BDP1: variants seen among roughly 807,000 people sequenced by gnomAD.
BDP1 encodes BDP1 general transcription factor IIIB subunit, also known as transcription factor TFIIIB component B'' homolog.
Under a neutral mutation model 266.6 loss-of-function variants are expected in BDP1, and 169 were observed. That is an observed-to-expected ratio of 0.63 (90% CI 0.56 to 0.72). BDP1 has a LOEUF of 0.72. BDP1 is among the 30% of genes least tolerant of loss of function. The probability of loss-of-function intolerance (pLI) is 0.00; values close to 1 mark genes in which losing one functional copy is unlikely to be tolerated. For missense variants in BDP1, 3,015 were observed against 3,053.8 expected, an observed-to-expected ratio of 0.99 and a Z score of 0.30; for synonymous variants, 1,090 against 1,022.4, an observed-to-expected ratio of 1.07 and a Z score of -1.26.
In BDP1 at chr5:71,486,553, A is replaced by C. The variant is rs779103105; in HGVS notation, c.1139A>C (p.Lys380Thr). 1.3e-6 allele frequency: 2 copies of C among 1,544,308 alleles called. No individual in the cohort carries two copies. The highest frequency in any genetic ancestry group is 1.7e-6 in the Non-Finnish European group (2 of 1,158,630). ...CAGAAAGTTCTTGCTGAAGAAGAGA[A>C]AAGAAAACAAAAATCTGTTAAAAAT... ...LLQKVLAEEE[K>T]RKQKSVKNHS... Residue 380 changes from lysine to threonine, a missense_variant, in exon 9 of 39, where the codon AAA (lysine) becomes ACA (threonine). Transcript: ENST00000358731.
At chr5:71,556,831 A>G (rs1046618759) in intron 35 of BDP1, 55 bp from the exon 36 acceptor site, 5 of 810,880 alleles carry the variant, frequency 6.2e-6, no homozygotes, top group Non-Finnish European at 9.4e-6. Context: ...AATAAAATTA[A>G]TTTCAGTTTT....
chr5:71,495,525 TAGA>T, intron 12 of BDP1, 117 bp downstream of exon 12: 1 of 568,758 alleles, frequency 1.8e-6, no homozygotes, highest in Non-Finnish European at 2.9e-6. Flanking sequence ...TTATTAATAG[TAGA>T]GGGAATCATT....
intron 9 of BDP1, among the ~76,000 whole-genome samples, chr5:71,487,457 A>T (rs1763333507): frequency 6.6e-6 from 1 of 152,116 alleles, no homozygotes; most frequent in Non-Finnish European, 1.5e-5. Context: ...GTTAGCCAGG[A>T]TGGTCTTGAT....
chr5:71,512,630 TAAATC>T (rs762593037), intron 18 of BDP1, among the ~76,000 whole-genome samples: 20 of 152,196 alleles, frequency 1.3e-4, no homozygotes, highest in Admixed American at 7.9e-4. Context: ...GTAACAGTCT[TAAATC>T]AATACAGGTT....
chr5:71,477,605 A>G (rs1007067894), intron 7 of BDP1, among the ~76,000 whole-genome samples: 2 of 151,226 alleles, frequency 1.3e-5, no homozygotes, highest in African/African-American at 4.9e-5. Context: ...CAGCTGACCC[A>G]TGTTCAGACA....
At position 71,499,653 on chromosome 5, in the gene BDP1, C is replaced by T. The variant is rs150500828; in HGVS notation, c.1957-1909C>T. ...AAAAAATTAAAAAAAAACCCTTTTC[C>T]TCTGAAACTATTAATTTACATTTTT... On this transcript the variant is annotated intron_variant, in intron 13 of 38. Transcript: ENST00000358731. 6.0e-3 allele frequency among the ~76,000 whole-genome samples: 917 copies of T among 152,174 alleles called. 6 individuals carry two copies. Among genetic ancestry groups the T allele is most frequent in the African/African-American group, 0.02 (821 of 41,544 alleles).
chr5:71,514,005 C>A (rs1765089082), intron 19 of BDP1, among the ~76,000 whole-genome samples: 1 of 151,770 alleles, frequency 6.6e-6, no homozygotes, highest in Non-Finnish European at 1.5e-5. Flanking sequence ...TTACGCTGAG[C>A]CGTGGCGCCC....
At chr5:71,491,196 T>G in intron 11 of BDP1, 65 bp downstream of exon 11, 1 of 1,461,314 alleles carries the variant, frequency 6.8e-7, no homozygotes, top group Non-Finnish European at 9.5e-7. Flanking sequence ...AGTGTTGAAG[T>G]CTCCATCTGT....
Position 71,512,393 on chromosome 5 carries a change from A to C in BDP1, c.4212A>C (p.Pro1404=). 1.3e-6 allele frequency: 2 copies of C among 1,578,362 alleles called. No homozygotes were observed. Among genetic ancestry groups the C allele is most frequent in the Non-Finnish European group, 1.7e-6 (2 of 1,170,034 alleles). ...DKTEVQGIQS[P]DVPEQFSDIN... The stretch of plus-strand genomic sequence containing the variant: ...CAGAAGTCCAGGGGATTCAATCTCC[A>C]GATGTTCCAGAGCAGTTTTCAGATA... Residue 1404 remains proline, a synonymous_variant, in exon 18 of 39, where the codon CCA becomes CCC. Coordinates refer to ENST00000358731, the MANE Select transcript of BDP1 (RefSeq NM_018429.3).
intron 7 of BDP1, among the ~76,000 whole-genome samples, chr5:71,478,595 C>T (rs1390486188): frequency 3.3e-5 from 5 of 151,566 alleles, no homozygotes; most frequent in South Asian, 2.1e-4. Flanking sequence ...GATGAAAAGT[C>T]GACAGTAATC....
Position 71,552,420 on chromosome 5 carries a change from C to T in BDP1, c.6996-696C>T, listed in dbSNP as rs796167008. ...GGCTCCTCACATCCCAGACGATGGG[C>T]GGCCAGGCAGAGGCTGCAATCTCGG... is the stretch of plus-strand genomic sequence containing the variant. On this transcript the variant is annotated intron_variant, in intron 34 of 38. Transcript: ENST00000358731. Among the ~76,000 whole-genome samples, 598 of 149,600 alleles carry T rather than the reference C, an allele frequency of 4.0e-3. 1 individual carries two copies. The highest frequency in any genetic ancestry group is 9.8e-3 in the African/African-American group (396 of 40,490).
intron 25 of BDP1, among the ~76,000 whole-genome samples, chr5:71,531,052 C>T (rs533336550): frequency 6.6e-6 from 1 of 151,988 alleles, no homozygotes; most frequent in South Asian, 2.1e-4. Flanking sequence ...GCAGCTTGGG[C>T]GATAGAGTGA....
At position 71,510,579 on chromosome 5, in the gene BDP1, G is replaced by T. The variant is rs896236342; in HGVS notation, c.3487G>T (p.Val1163Phe). 6.2e-7 allele frequency: 1 copy of T among 1,614,170 alleles called. No homozygotes were observed. Among genetic ancestry groups the T allele is most frequent in the South Asian group, 1.1e-5 (1 of 91,064 alleles). The change falls in exon 17 of 39, where the codon GTC becomes TTC. Residue 1163 changes from valine (V) to phenylalanine (F), a missense_variant. By Grantham distance (50) the Val-to-Phe change is conservative. Transcript: ENST00000358731. ...ISPEENGPEE[V>F]KPVDEMETDL... ...CCCAGAGGAAAATGGCCCAGAGGAGGTCAAGCCTGTAGATGAAATGGAGAC... is the reference window on the plus strand; with the variant it reads ...CCCAGAGGAAAATGGCCCAGAGGAGTTCAAGCCTGTAGATGAAATGGAGAC...
Position 71,545,133 on chromosome 5 carries a change from G to T in BDP1, c.6658G>T (p.Asp2220Tyr). The change falls in exon 32 of 39, where the codon GAT (aspartate) becomes TAT (tyrosine). Residue 2220 changes from aspartate (D) to tyrosine (Y), a missense_variant. Asp to Tyr is a radical substitution (Grantham distance 160). Coordinates refer to ENST00000358731, the MANE Select transcript of BDP1 (RefSeq NM_018429.3). ...SETGPCTLGL[D>Y]RGLGENSVEE... is the part of the protein sequence containing the mutation. ...GACAGGGCCCTGCACACTTGGTTTG[G>T]ATAGGGGTCTTGGTGAAAATTCTGT... 1 of 1,613,850 alleles carries T rather than the reference G, an allele frequency of 6.2e-7. No individual in the cohort carries two copies. Among genetic ancestry groups the T allele is most frequent in the Non-Finnish European group, 8.5e-7 (1 of 1,179,920 alleles).
chr5:71,577,828 CTG>C, the BDP1 span, among the ~76,000 whole-genome samples: 3 of 152,134 alleles, frequency 2.0e-5, no homozygotes, highest in East Asian at 5.8e-4. Context: ...TGTTCATAGT[CTG>C]TAAAATCGGA....
At chr5:71,548,361 G>C (rs1054587544) in intron 32 of BDP1, among the ~76,000 whole-genome samples, 2 of 152,206 alleles carry the variant, frequency 1.3e-5, no homozygotes, top group Non-Finnish European at 2.9e-5. Context: ...CCTTCATTCA[G>C]ATGTCACCTA....
At chr5:71,531,109 T>G (rs1380876231) in intron 25 of BDP1, among the ~76,000 whole-genome samples, 2 of 152,080 alleles carry the variant, frequency 1.3e-5, no homozygotes, top group Non-Finnish European at 2.9e-5. Flanking sequence ...AGGCAGATTC[T>G]CAGACTTGAC....
chr5:71,498,668 C>T (rs930522814), intron 13 of BDP1, among the ~76,000 whole-genome samples: 4 of 151,390 alleles, frequency 2.6e-5, no homozygotes, highest in Non-Finnish European at 5.9e-5. Context: ...ATGTGATCCA[C>T]CTGCCTCAGC....
rs199502736 is a variant in BDP1 at position 71,455,939 on chromosome 5, G to A, written c.62G>A (p.Gly21Asp). 1.6e-4 allele frequency: 253 copies of A among 1,611,856 alleles called. No individual in the cohort carries two copies. Among genetic ancestry groups the A allele is most frequent in the Non-Finnish European group, 2.0e-5 (24 of 1,179,342 alleles). Reference protein sequence around the residue: ...PNVRPGVGARGSTASNPQRGR... With the variant: ...PNVRPGVGARDSTASNPQRGR... ...GTCAGGCCTGGTGTAGGCGCCAGGG[G>A]CTCCACAGCTTCCAATCCCCAGCGT... Residue 21 changes from glycine to aspartate, a missense_variant, in exon 1 of 39, where the codon GGC (glycine) becomes GAC (aspartate). Gly to Asp is a moderately conservative substitution (Grantham distance 94, BLOSUM62 -1). Transcript: ENST00000358731.
Sources: gnomAD v4.1 joint callset for allele counts (sites outside exome capture counted in the v4.1 genomes callset) on GRCh38, gnomAD v4.1.1 for gene constraint, MANE v1.5 for transcripts, NCBI Gene and HGNC (gene_info 2026-07-23, HGNC 2026-07-21) for gene names.